HNF1B: variants seen among roughly 807,000 people sequenced by gnomAD.
The protein encoded by HNF1B is hepatocyte nuclear factor 1-beta.
In HNF1B, 8 loss-of-function variants were observed where a neutral mutation model predicts 61.7. That is an observed-to-expected ratio of 0.13 (90% CI 0.08 to 0.23). HNF1B has a LOEUF of 0.23. Among genes scored for constraint, HNF1B ranks in the 10% least tolerant of loss-of-function variants. The pLI is 1.00. For synonymous variants in HNF1B, 314 were observed against 287.7 expected (o/e 1.09, Z -0.93); for missense variants, 562 against 714.5 (o/e 0.79, Z 2.43).
At chr17:37,715,369 C>T (rs1013141060) in intron 4 of HNF1B, among the ~76,000 whole-genome samples, 5 of 152,142 alleles carry the variant, frequency 3.3e-5, no homozygotes, top group Non-Finnish European at 5.9e-5. Context: ...AGGAGCATCA[C>T]GTCTAGCAGA....
At chr17:37,738,988 T>C (rs915015636) in intron 2 of HNF1B, among the ~76,000 whole-genome samples, 2 of 152,224 alleles carry the variant, frequency 1.3e-5, no homozygotes, top group African/African-American at 4.8e-5. Context: ...ATGCATTCTA[T>C]TGTTGATACT....
In HNF1B at chr17:37,744,813, C is replaced by T. The variant is rs1213358416; in HGVS notation, c.72G>A (p.Glu24=). The T allele has an allele frequency of 4.3e-6, 7 of 1,613,422 alleles. No individual in the cohort carries two copies. The highest frequency in any genetic ancestry group is 5.9e-6 in the Non-Finnish European group (7 of 1,180,026). ...SALLSSGVTK[E]VLVQALEELL... is the part of the protein sequence containing the mutation. ...ACTCCTCCAAGGCCTGAACCAGCAC[C>T]TCCTTGGTGACCCCGGAGCTCAGCA... is the stretch of plus-strand genomic sequence containing the variant. Residue 24 remains glutamate (E), a synonymous_variant, in exon 1 of 9, where the codon GAG becomes GAA. Transcript: ENST00000617811.
intron 6 of HNF1B, among the ~76,000 whole-genome samples, chr17:37,704,158 CAA>C (rs750323499): frequency 2.0e-5 from 3 of 152,206 alleles, no homozygotes; most frequent in Non-Finnish European, 4.4e-5. Flanking sequence ...TTAAAACTCT[CAA>C]AGAGATATCC....
chr17:37,706,054 G>A (rs1282468513), intron 5 of HNF1B, among the ~76,000 whole-genome samples: 2 of 152,124 alleles, frequency 1.3e-5, no homozygotes, highest in Admixed American at 6.6e-5. Context: ...CGCCTTGTGG[G>A]TTCAAGCAAT....
At chr17:37,727,998 G>T (rs1366737258) in intron 4 of HNF1B, among the ~76,000 whole-genome samples, 4 of 148,398 alleles carry the variant, frequency 2.7e-5, no homozygotes, top group Non-Finnish European at 4.5e-5. Flanking sequence ...TTTTTTTGTT[G>T]TTTTTTTTTT....
At chr17:37,690,882 C>T (rs991179037) in intron 8 of HNF1B, among the ~76,000 whole-genome samples, 2 of 152,204 alleles carry the variant, frequency 1.3e-5, no homozygotes, top group African/African-American at 4.8e-5. Context: ...GGACTGTACA[C>T]AGAATTACAG....
At chr17:37,717,580 G>A (rs563184196) in intron 4 of HNF1B, among the ~76,000 whole-genome samples, 1 of 152,200 alleles carries the variant, frequency 6.6e-6, no homozygotes, top group Non-Finnish European at 1.5e-5. Flanking sequence ...GACAGGGAGA[G>A]ACTGGGCCAG....
At chr17:37,700,950 G>A (rs1433478653) in intron 7 of HNF1B, 33 bp downstream of exon 7, 2 of 1,541,590 alleles carry the variant, frequency 1.3e-6, no homozygotes, top group African/African-American at 2.7e-5. Context: ...AGGGTCCTGA[G>A]TGCTCCCTCC....
intron 4 of HNF1B, chr17:37,731,291 C>T: frequency 3.7e-6 from 2 of 539,860 alleles, no homozygotes; most frequent in Non-Finnish European, 6.7e-6. Context: ...GCAGCCTCCT[C>T]AGTGTAGAAT....
At chr17:37,723,061 C>A (rs1318610516) in intron 4 of HNF1B, among the ~76,000 whole-genome samples, 1 of 151,920 alleles carries the variant, frequency 6.6e-6, no homozygotes, top group Non-Finnish European at 1.5e-5. Context: ...GAAAAATGGC[C>A]GGGCGCGGTG....
At chr17:37,705,157 T>A in intron 5 of HNF1B, 108 bp from the exon 6 acceptor site, 1 of 1,104,498 alleles carries the variant, frequency 9.1e-7, no homozygotes, top group Non-Finnish European at 1.3e-6. Context: ...GTTCTCAAAT[T>A]CATTCCTTCA....
At chr17:37,727,784 C>T (rs1024429763) in intron 4 of HNF1B, among the ~76,000 whole-genome samples, 1 of 152,140 alleles carries the variant, frequency 6.6e-6, no homozygotes, top group Non-Finnish European at 1.5e-5. Flanking sequence ...TAGAGAAAGG[C>T]TGCTCTTCCT....
chr17:37,734,789 CTTTT>C (rs67472247), intron 2 of HNF1B, among the ~76,000 whole-genome samples: 1 of 140,682 alleles, frequency 7.1e-6, no homozygotes, highest in Non-Finnish European at 1.5e-5. Context: ...ATCTTAATAT[CTTTT>C]TTTTTTTTTT....
intron 7 of HNF1B, among the ~76,000 whole-genome samples, chr17:37,699,925 T>C (rs964149295): frequency 6.6e-6 from 1 of 152,238 alleles, no homozygotes; most frequent in African/African-American, 2.4e-5. Flanking sequence ...CAAACCTCTT[T>C]CACCATCATT....
chr17:37,698,431 C>T (rs1204012818), intron 8 of HNF1B, among the ~76,000 whole-genome samples: 2 of 152,168 alleles, frequency 1.3e-5, no homozygotes, highest in Non-Finnish European at 2.9e-5. Flanking sequence ...GGGACTTAGT[C>T]ATCAACTGAA....
At chr17:37,691,666 T>A (rs1279067368) in intron 8 of HNF1B, among the ~76,000 whole-genome samples, 12 of 152,138 alleles carry the variant, frequency 7.9e-5, no homozygotes, top group African/African-American at 2.7e-4. Flanking sequence ...GGTATCATTA[T>A]CTTCATTTTA....
chr17:37,719,223 C>T (rs990920405), intron 4 of HNF1B, among the ~76,000 whole-genome samples: 4 of 152,018 alleles, frequency 2.6e-5, no homozygotes, highest in African/African-American at 9.7e-5. Context: ...CTTTGGCCTC[C>T]CCTCCCTGTT....
At chr17:37,731,894 C>A in intron 3 of HNF1B, 64 bp from the exon 4 acceptor site, 1 of 1,034,700 alleles carries the variant, frequency 9.7e-7, no homozygotes. Context: ...GGTGCTTGGC[C>A]AAAAACACAC....
At chr17:37,711,103 C>G (rs527968684) in intron 4 of HNF1B, among the ~76,000 whole-genome samples, 4 of 152,306 alleles carry the variant, frequency 2.6e-5, no homozygotes, top group Admixed American at 1.3e-4. Context: ...CCTGGCATCC[C>G]TCGTGGTGCT....
Sources: gnomAD v4.1 joint callset for allele counts (sites outside exome capture counted in the v4.1 genomes callset) on GRCh38, gnomAD v4.1.1 for gene constraint, MANE v1.5 for transcripts, NCBI Gene and HGNC (gene_info 2026-07-23, HGNC 2026-07-21) for gene names.